Variants in OLA1 observed in about 807,000 individuals in gnomAD.
The protein encoded by OLA1 is obg-like ATPase 1.
A neutral mutation model predicts 48.4 loss-of-function variants in OLA1; 14 were observed. That is an observed-to-expected ratio of 0.29 (90% confidence interval 0.19 to 0.45). OLA1 has a LOEUF of 0.45. Ranked by LOEUF, OLA1 falls within the 20% of genes least tolerant of loss-of-function variation. OLA1 has a pLI of 1.00. For synonymous variants in OLA1, 127 were observed against 150.4 expected, an observed-to-expected ratio of 0.84 and a Z score of 1.14; for missense variants, 325 against 467.1, an observed-to-expected ratio of 0.70 and a Z score of 2.80.
chr2:174,196,511 CAA>C (rs139555376), intron 4 of OLA1, among the ~76,000 whole-genome samples: 1,601 of 152,276 alleles, frequency 0.011, 30 homozygotes, highest in African/African-American at 0.036. Flanking sequence ...ATTAAGTAAA[CAA>C]ATTCAGTTCA....
At chr2:174,135,160 C>CAAAA (rs71405180) in intron 5 of OLA1, among the ~76,000 whole-genome samples, 1,074 of 85,668 alleles carry the variant, frequency 0.013, 18 homozygotes, top group East Asian at 0.035. Flanking sequence ...ACTCCGCCTC[C>CAAAA]AAAAAAAAAA....
rs564532292 is a variant in OLA1, at chr2:174,229,829, G to A, written c.102-378C>T. On this transcript the variant is annotated intron_variant, in intron 2 of 10. Transcript: ENST00000284719. The stretch of plus-strand genomic sequence containing the variant: ...AACAAAACCTTCTCTAGCATGAAAT[G>A]TAGAAGTCATGTCTCTAGTTAAGTC... 6.6e-5 allele frequency among the ~76,000 whole-genome samples: 10 copies of A among 152,274 alleles called. No homozygotes were observed. In the South Asian group the frequency reaches 2.1e-3, roughly 32 times the overall value.
intron 7 of OLA1, among the ~76,000 whole-genome samples, chr2:174,092,497 T>C (rs1254523758): frequency 6.6e-6 from 1 of 151,260 alleles, no homozygotes. Context: ...AAACCCCGTC[T>C]CTATAAAAAA....
chr2:174,137,344 G>A (rs377538567), intron 5 of OLA1, among the ~76,000 whole-genome samples: 5 of 150,030 alleles, frequency 3.3e-5, no homozygotes, highest in Admixed American at 2.0e-4. Context: ...TCCAGGTTTC[G>A]TTGTTCCACT....
intron 4 of OLA1, among the ~76,000 whole-genome samples, chr2:174,179,064 C>T (rs188929140): frequency 7.7e-4 from 117 of 151,718 alleles, no homozygotes; most frequent in African/African-American, 2.6e-3. Context: ...AGAGCAAATG[C>T]GAGTAGAGAT....
At chr2:174,233,228 A>G (rs931708125) in intron 2 of OLA1, among the ~76,000 whole-genome samples, 41 of 152,196 alleles carry the variant, frequency 2.7e-4, no homozygotes, top group Admixed American at 1.8e-3. Flanking sequence ...GGCTGGGGGG[A>G]AAGAGAAATG....
intron 4 of OLA1, among the ~76,000 whole-genome samples, chr2:174,150,693 A>G (rs1173382727): frequency 6.6e-6 from 1 of 152,228 alleles, no homozygotes. Context: ...AAGTTTTCCA[A>G]TTGGAGAAAG....
intron 4 of OLA1, among the ~76,000 whole-genome samples, chr2:174,159,045 A>G (rs916379066): frequency 6.6e-6 from 1 of 152,180 alleles, no homozygotes; most frequent in Non-Finnish European, 1.5e-5. Context: ...CAACCAATTC[A>G]TTCTCTTGCT....
At chr2:174,222,803 G>A (rs1450313311) in intron 4 of OLA1, among the ~76,000 whole-genome samples, 1 of 152,156 alleles carries the variant, frequency 6.6e-6, no homozygotes, top group Non-Finnish European at 1.5e-5. Flanking sequence ...AGGGAATAAA[G>A]TTCAATTAGA....
At chr2:174,082,193 A>C (rs1684871144) in intron 7 of OLA1, 129 bp from the exon 8 acceptor site, 1 of 975,498 alleles carries the variant, frequency 1.0e-6, no homozygotes, top group South Asian at 1.6e-5. Flanking sequence ...TTTTGTATAT[A>C]GCTTTCCAAG....
At chr2:174,141,516 C>T (rs1686445934) in intron 5 of OLA1, among the ~76,000 whole-genome samples, 1 of 152,096 alleles carries the variant, frequency 6.6e-6, no homozygotes, top group Non-Finnish European at 1.5e-5. Flanking sequence ...AGTCATTTCA[C>T]CAAATCCAGT....
chr2:174,192,737 TC>T (rs1558998055), intron 4 of OLA1, among the ~76,000 whole-genome samples: 1 of 152,218 alleles, frequency 6.6e-6, no homozygotes, highest in East Asian at 1.9e-4. Flanking sequence ...CTGTTTCATT[TC>T]TGAAAAACAT....
In OLA1 at chr2:174,208,176, A is replaced by C. The variant is rs374403972; in HGVS notation, c.373+14857T>G. 3.3e-5 allele frequency among the ~76,000 whole-genome samples: 5 copies of C among 152,306 alleles called. No homozygotes were observed. In the South Asian group the frequency reaches 8.3e-4, roughly 25 times the overall value. On this transcript the variant is annotated intron_variant, in intron 4 of 10. Coordinates refer to ENST00000284719, the MANE Select transcript of OLA1 (RefSeq NM_013341.5). ...AGAAAACAATAAAATGATCTGCTAT[A>C]ATCACTTGGCTAATCAGCCTCTGAG...
At chr2:174,238,169 C>T (rs1455629701) in intron 2 of OLA1, among the ~76,000 whole-genome samples, 1 of 152,144 alleles carries the variant, frequency 6.6e-6, no homozygotes, top group Non-Finnish European at 1.5e-5. Flanking sequence ...GTGATAAGCA[C>T]ATGAAAAGAT....
intron 4 of OLA1, among the ~76,000 whole-genome samples, chr2:174,213,972 G>GGGCCGGGCGCGGTGGCTC (rs1688305376): frequency 6.6e-6 from 1 of 150,500 alleles, no homozygotes; most frequent in African/African-American, 2.4e-5. Flanking sequence ...TATAAAAAAT[G>GGGCCGGGCGCGGTGGCTC]AAAAAAAGTG....
At chr2:174,164,578 G>A (rs957054594) in intron 4 of OLA1, among the ~76,000 whole-genome samples, 1 of 152,052 alleles carries the variant, frequency 6.6e-6, no homozygotes, top group African/African-American at 2.4e-5. Context: ...TGAGATAAAT[G>A]TATTTTCCAG....
At chr2:174,197,614 C>T (rs1293891659) in intron 4 of OLA1, among the ~76,000 whole-genome samples, 1 of 152,154 alleles carries the variant, frequency 6.6e-6, no homozygotes, top group Non-Finnish European at 1.5e-5. Flanking sequence ...TGTTCCTGTA[C>T]ACAAAGGATC....
intron 4 of OLA1, among the ~76,000 whole-genome samples, chr2:174,205,179 T>C (rs1688081376): frequency 6.6e-6 from 1 of 152,216 alleles, no homozygotes; most frequent in African/African-American, 2.4e-5. Context: ...ATAACACTGC[T>C]TCAATTTTTT....
At chr2:174,101,563 G>A (rs1054753028) in intron 7 of OLA1, among the ~76,000 whole-genome samples, 1 of 152,160 alleles carries the variant, frequency 6.6e-6, no homozygotes, top group African/African-American at 2.4e-5. Context: ...ACTTATCCAA[G>A]AGATCTTTGC....
Sources: allele counts gnomAD v4.1 joint callset (sites outside exome capture counted in the v4.1 genomes callset), GRCh38; gene constraint gnomAD v4.1.1; transcripts MANE v1.5; gene names NCBI Gene and HGNC (gene_info 2026-07-23, HGNC 2026-07-21).